The following SPATA13 variants were observed in gnomAD, a reference collection of about 807,000 sequenced individuals.
The protein encoded by SPATA13 is spermatogenesis associated 13, also known as spermatogenesis-associated protein 13.
SPATA13 carries 50 observed loss-of-function variants against 104.0 expected under a neutral mutation model. The observed-to-expected ratio is 0.48, with a 90% CI of 0.38 to 0.61. The LOEUF (loss-of-function observed/expected upper bound fraction) is 0.61, where lower values mean the gene tolerates loss of function less well. Ranked by LOEUF, SPATA13 falls within the 20% of genes least tolerant of loss-of-function variation. SPATA13 has a pLI of 0.00. For missense variants in SPATA13, 1,524 were observed against 1,690.6 expected (o/e 0.90, Z 1.73); for synonymous variants, 606 against 667.5 (o/e 0.91, Z 1.42).
At chr13:24,207,579 C>T (rs780437527) in intron 1 of SPATA13, among the ~76,000 whole-genome samples, 1 of 152,084 alleles carries the variant, frequency 6.6e-6, no homozygotes, top group Non-Finnish European at 1.5e-5. Context: ...CACATCCCTA[C>T]CAGCACTTGT....
intron 3 of SPATA13, among the ~76,000 whole-genome samples, chr13:24,127,490 C>T (rs1414153082): frequency 6.6e-6 from 1 of 152,178 alleles, no homozygotes; most frequent in Non-Finnish European, 1.5e-5. Flanking sequence ...AGAACAGCCT[C>T]TGGGGACAGC....
At chr13:24,129,335 C>A (rs1881325076) in intron 3 of SPATA13, among the ~76,000 whole-genome samples, 1 of 152,224 alleles carries the variant, frequency 6.6e-6, no homozygotes, top group African/African-American at 2.4e-5. Context: ...CTTCAATTCC[C>A]ATGCTCAATT....
At chr13:24,189,882 TCATAATATATATTATATAATTATATTA>T (rs1566140743) in intron 1 of SPATA13, among the ~76,000 whole-genome samples, 5 of 30,666 alleles carry the variant, frequency 1.6e-4, no homozygotes, top group African/African-American at 3.1e-4. Flanking sequence ...TAATTATATA[TCATAATATATATTATATAATTATATTA>T]CATAATATAT....
At chr13:24,037,888 C>G (rs574479888) in intron 3 of SPATA13, among the ~76,000 whole-genome samples, 1 of 151,968 alleles carries the variant, frequency 6.6e-6, no homozygotes, top group Admixed American at 6.6e-5. Context: ...TCCTTTCCCC[C>G]CAGTAAAAGG....
At chr13:24,232,348 C>G (rs1872324351) in intron 2 of SPATA13, among the ~76,000 whole-genome samples, 1 of 144,660 alleles carries the variant, frequency 6.9e-6, no homozygotes, top group Non-Finnish European at 1.6e-5. Context: ...TGCCCACATC[C>G]TTGAGGGCAA....
At chr13:24,027,547 T>C (rs1486788410) in intron 3 of SPATA13, among the ~76,000 whole-genome samples, 4 of 152,244 alleles carry the variant, frequency 2.6e-5, no homozygotes, top group Admixed American at 6.5e-5. Flanking sequence ...CTAATTTCAC[T>C]GATTTTAGCT....
chr13:24,094,814 C>A (rs1286981075), intron 3 of SPATA13, among the ~76,000 whole-genome samples: 15 of 152,144 alleles, frequency 9.9e-5, no homozygotes, highest in Admixed American at 2.6e-4. Context: ...TAAATAAAAT[C>A]TACATTGGTG....
At chr13:24,096,833 T>C (rs978789604) in intron 3 of SPATA13, among the ~76,000 whole-genome samples, 103 of 152,288 alleles carry the variant, frequency 6.8e-4, no homozygotes, top group African/African-American at 2.4e-3. Flanking sequence ...GGAAGAATCA[T>C]GCAGGCCAGA....
intron 1 of SPATA13, among the ~76,000 whole-genome samples, chr13:24,194,752 A>T (rs2138558233): frequency 6.6e-6 from 1 of 152,330 alleles, no homozygotes; most frequent in African/African-American, 2.4e-5. Flanking sequence ...GCTTTACGAT[A>T]TGTGGAATCT....
chr13:24,020,766 G>T (rs550114767), intron 3 of SPATA13, among the ~76,000 whole-genome samples: 1 of 152,106 alleles, frequency 6.6e-6, no homozygotes, highest in Non-Finnish European at 1.5e-5. Flanking sequence ...AATTTGGGCC[G>T]GGCGAGATGA....
At chr13:24,277,419 G>A (rs1252183085) in intron 4 of SPATA13, among the ~76,000 whole-genome samples, 2 of 142,712 alleles carry the variant, frequency 1.4e-5, no homozygotes, top group Admixed American at 7.5e-5. Context: ...ACTCCAGCCT[G>A]GGCAACAGAG....
Position 24,297,621 on chromosome 13 carries a change from A to G in SPATA13, c.3469A>G (p.Ser1157Gly). Residue 1157 changes from serine to glycine, a missense_variant, in exon 11 of 13, where the codon AGT becomes GGT. By Grantham distance (56) the Ser-to-Gly change is moderately conservative (BLOSUM62 0). Coordinates refer to ENST00000382108, the MANE Select transcript of SPATA13 (RefSeq NM_001166271.3). ...LSVKNAFKLV[S>G]RTTDEVYLFC... ...CGTGAAAAATGCCTTCAAGCTCGTC[A>G]GTAGGACCACAGACGAGGTTTATTT... The G allele has an allele frequency of 6.2e-7, 1 of 1,614,258 alleles. No individual in the cohort carries two copies. The highest frequency in any genetic ancestry group is 8.5e-7 in the Non-Finnish European group (1 of 1,180,044).
intron 1 of SPATA13, among the ~76,000 whole-genome samples, chr13:24,182,109 G>A (rs1158820379): frequency 2.0e-5 from 3 of 152,138 alleles, no homozygotes; most frequent in Admixed American, 6.6e-5. Flanking sequence ...TTTTGGTTTT[G>A]TTTTCCTCTT....
chr13:24,224,733 A>G, intron 2 of SPATA13, 151 bp downstream of exon 2: 1 of 788,654 alleles, frequency 1.3e-6, no homozygotes, highest in Non-Finnish European at 2.2e-6. Flanking sequence ...GGGAGTTGTC[A>G]AGTTGCTGTT....
At chr13:24,123,300 A>G in intron 3 of SPATA13, 4 of 1,527,062 alleles carry the variant, frequency 2.6e-6, no homozygotes, top group Non-Finnish European at 3.6e-6. Flanking sequence ...TCTTCTTGTC[A>G]GCTCTAAGGC....
chr13:24,130,333 G>T (rs575775399), intron 3 of SPATA13, among the ~76,000 whole-genome samples: 6 of 152,162 alleles, frequency 3.9e-5, no homozygotes, highest in Admixed American at 6.5e-5. Context: ...TGATGTACAG[G>T]CACCTCCCTG....
chr13:24,200,197 C>T (rs17080364), intron 1 of SPATA13, among the ~76,000 whole-genome samples: 3,882 of 152,128 alleles, frequency 0.026, 153 homozygotes, highest in East Asian at 0.086. Context: ...ATGTGGGAAC[C>T]GAGCTCAGAG....
At chr13:24,097,414 C>T (rs1032056775) in intron 3 of SPATA13, among the ~76,000 whole-genome samples, 1 of 152,114 alleles carries the variant, frequency 6.6e-6, no homozygotes. Flanking sequence ...GACCAGAAAA[C>T]AAAATTGGCA....
intron 1 of SPATA13, among the ~76,000 whole-genome samples, chr13:24,189,500 TA>T (rs1869380222): frequency 7.4e-6 from 1 of 135,154 alleles, no homozygotes; most frequent in Non-Finnish European, 1.5e-5. Context: ...TATACGTGTA[TA>T]TATATATATA....
Sources: allele counts gnomAD v4.1 joint callset (sites outside exome capture counted in the v4.1 genomes callset), GRCh38; gene constraint gnomAD v4.1.1; transcripts MANE v1.5; gene names NCBI Gene and HGNC (gene_info 2026-07-23, HGNC 2026-07-21).